Variants in ZFPM2 observed in about 807,000 individuals in gnomAD.
ZFPM2 encodes the protein zinc finger protein, FOG family member 2.
ZFPM2 carries 20 observed loss-of-function variants against 98.6 expected under a neutral mutation model. The observed-to-expected ratio is 0.20, with a 90% confidence interval of 0.14 to 0.29. ZFPM2 has a LOEUF of 0.29. Ranked by LOEUF, ZFPM2 falls within the 10% of genes least tolerant of loss-of-function variation. The pLI is 1.00. For missense variants in ZFPM2, 1,310 were observed against 1,388.6 expected (o/e 0.94, Z 0.90); for synonymous variants, 518 against 502.7 (o/e 1.03, Z -0.41).
chr8:105,782,381 A>G (rs757075537), intron 5 of ZFPM2: 14 of 152,186 alleles, frequency 9.2e-5, no homozygotes, highest in Non-Finnish European at 5.9e-5. Flanking sequence ...AAACTTTCTT[A>G]CTCACCAATA....
At chr8:105,456,146 G>GTTTTTTTTTTTTTT (rs200639878) in intron 3 of ZFPM2, among the ~76,000 whole-genome samples, 6 of 93,284 alleles carry the variant, frequency 6.4e-5, no homozygotes, top group East Asian at 5.0e-4. Context: ...CCAGGAAAAT[G>GTTTTTTTTTTTTTT]TTTTTTTTTG....
rs60218363 is a variant in ZFPM2 at position 105,653,854 on chromosome 8, C to CTTTTTTTTT, written c.532+19522_532+19530dup. ...CTTTATACAACAGCTTGTGTGCTATCTTTTTTTTTTTTTTTTTTTTTTTTT... is the reference window on the plus strand; with the variant it reads ...CTTTATACAACAGCTTGTGTGCTATCTTTTTTTTTTTTTTTTTTTTTTTTTTTTTTTTTT... On this transcript the variant is annotated intron_variant, in intron 5 of 7. Transcript: ENST00000407775. 4.7e-3 allele frequency among the ~76,000 whole-genome samples: 166 copies of CTTTTTTTTT among 35,286 alleles called. 38 individuals are homozygous for CTTTTTTTTT. Among genetic ancestry groups the CTTTTTTTTT allele is most frequent in the South Asian group, 0.011 (6 of 522 alleles). 23.1% of individuals were successfully genotyped at this position (35,286 alleles called of 152,430 possible). A position where few individuals can be genotyped will look rare whatever the true frequency, so the allele number is the denominator to read the frequency against.
intron 5 of ZFPM2, among the ~76,000 whole-genome samples, chr8:105,758,608 C>T (rs1812663255): frequency 6.6e-6 from 1 of 151,880 alleles, no homozygotes; most frequent in Non-Finnish European, 1.5e-5. Context: ...TTTTTTTTAA[C>T]AGAAAACTTA....
chr8:105,665,123 T>A (rs770630311), intron 5 of ZFPM2, among the ~76,000 whole-genome samples: 15 of 152,112 alleles, frequency 9.9e-5, no homozygotes, highest in Non-Finnish European at 1.8e-4. Context: ...TGGTGGAAGG[T>A]ACCATATGGT....
intron 4 of ZFPM2, among the ~76,000 whole-genome samples, chr8:105,607,759 C>G (rs1357534376): frequency 6.6e-6 from 1 of 152,066 alleles, no homozygotes; most frequent in East Asian, 1.9e-4. Context: ...ACCAGTTCCG[C>G]TACTTTAGAT....
chr8:105,476,524 T>C (rs1276533499), intron 3 of ZFPM2, among the ~76,000 whole-genome samples: 3 of 152,118 alleles, frequency 2.0e-5, no homozygotes, highest in Non-Finnish European at 4.4e-5. Flanking sequence ...CCAAAAAGGT[T>C]GGGGACCCCT....
At chr8:105,670,262 C>G (rs1260235112) in intron 5 of ZFPM2, among the ~76,000 whole-genome samples, 2 of 151,902 alleles carry the variant, frequency 1.3e-5, no homozygotes, top group African/African-American at 4.8e-5. Context: ...TTTGGGAGGC[C>G]AAGGCGGGCG....
chr8:105,352,516 C>G (rs1272747854), intron 1 of ZFPM2, among the ~76,000 whole-genome samples: 1 of 151,730 alleles, frequency 6.6e-6, no homozygotes, highest in Non-Finnish European at 1.5e-5. Context: ...TCCAGAACAT[C>G]CTCCTTTTTT....
At chr8:105,788,209 A>G (rs3213923) in intron 5 of ZFPM2, among the ~76,000 whole-genome samples, 25,117 of 152,074 alleles carry the variant, frequency 0.17, 3,637 homozygotes, top group African/African-American at 0.39. Context: ...AGATTTTAGG[A>G]GTTTTTGTTT....
At chr8:105,626,598 G>A (rs1186083856) in intron 4 of ZFPM2, among the ~76,000 whole-genome samples, 1 of 152,078 alleles carries the variant, frequency 6.6e-6, no homozygotes, top group African/African-American at 2.4e-5. Context: ...GCAAGGAAAT[G>A]TGTGTGCGTG....
At chr8:105,603,016 AC>A (rs1321152903) in intron 4 of ZFPM2, among the ~76,000 whole-genome samples, 1 of 152,122 alleles carries the variant, frequency 6.6e-6, no homozygotes, top group Admixed American at 6.6e-5. Context: ...TCTTTCATAT[AC>A]TTATAAATGT....
In ZFPM2 at chr8:105,788,775, C is replaced by A. The variant is rs1813499621; in HGVS notation, c.590C>A (p.Ala197Asp). Reference sequence around the variant, plus strand: ...ATCTCTGAGGGTGAAGAGCTAATTGCCTTTGTGGTGGATTTTGACTCAAGG... The same window carrying A: ...ATCTCTGAGGGTGAAGAGCTAATTGACTTTGTGGTGGATTTTGACTCAAGG... ...KAISEGEELI[A>D]FVVDFDSRLQ... Residue 197 changes from alanine (A) to aspartate (D), a missense_variant, in exon 6 of 8, where the codon GCC becomes GAC. Coordinates refer to ENST00000407775, the MANE Select transcript of ZFPM2 (RefSeq NM_012082.4). 6.2e-7 allele frequency: 1 copy of A among 1,613,774 alleles called. No homozygotes were observed. The highest frequency in any genetic ancestry group is 8.5e-7 in the Non-Finnish European group (1 of 1,179,860).
intron 4 of ZFPM2, among the ~76,000 whole-genome samples, chr8:105,630,673 C>T (rs1450816984): frequency 6.6e-6 from 1 of 152,058 alleles, no homozygotes; most frequent in Non-Finnish European, 1.5e-5. Context: ...GAATTGATTA[C>T]TTTTATATTT....
At chr8:105,383,806 A>G (rs1271327225) in intron 1 of ZFPM2, among the ~76,000 whole-genome samples, 4 of 152,212 alleles carry the variant, frequency 2.6e-5, no homozygotes, top group Non-Finnish European at 5.9e-5. Flanking sequence ...ATCAGCCAGC[A>G]CCAAGTTGTG....
chr8:105,673,085 G>A (rs572851646), intron 5 of ZFPM2, among the ~76,000 whole-genome samples: 1 of 152,064 alleles, frequency 6.6e-6, no homozygotes, highest in Non-Finnish European at 1.5e-5. Flanking sequence ...AACAACTAAG[G>A]GAGAGAAGTG....
chr8:105,608,556 T>C (rs1297657879), intron 4 of ZFPM2, among the ~76,000 whole-genome samples: 1 of 149,480 alleles, frequency 6.7e-6, no homozygotes, highest in African/African-American at 2.4e-5. Context: ...ATTTAGAGTT[T>C]AGAAAGGCTA....
chr8:105,403,925 C>G (rs187884929), intron 1 of ZFPM2, among the ~76,000 whole-genome samples: 2 of 151,582 alleles, frequency 1.3e-5, no homozygotes, highest in African/African-American at 4.8e-5. Context: ...GCATTGCAAA[C>G]GGAACAAAAT....
rs1814112977 is a variant in ZFPM2 at position 105,803,545 on chromosome 8, T to G, written c.*7T>G. 6.3e-7 allele frequency: 1 copy of G among 1,598,618 alleles called. No homozygotes were observed. The highest frequency in any genetic ancestry group is 2.2e-5 in the East Asian group (1 of 44,538). On this transcript the variant is annotated 3_prime_UTR_variant, in exon 8 of 8. Coordinates refer to ENST00000407775, the MANE Select transcript of ZFPM2 (RefSeq NM_012082.4). ...AGCAGAACATGTCAAATGAACTAACTAAACATCAGTCACCTTTGGTATCAG... is the reference window on the plus strand; with the variant it reads ...AGCAGAACATGTCAAATGAACTAACGAAACATCAGTCACCTTTGGTATCAG...
chr8:105,577,928 A>G (rs568655888), intron 4 of ZFPM2, among the ~76,000 whole-genome samples: 1 of 152,184 alleles, frequency 6.6e-6, no homozygotes, highest in South Asian at 2.1e-4. Context: ...AAGATGGTAT[A>G]ATAAATGTTT....
Sources: gnomAD v4.1 joint callset for allele counts (sites outside exome capture counted in the v4.1 genomes callset) on GRCh38, gnomAD v4.1.1 for gene constraint, MANE v1.5 for transcripts, NCBI Gene and HGNC (gene_info 2026-07-23, HGNC 2026-07-21) for gene names.